The following ASPM variants were observed in gnomAD, a reference collection of about 807,000 sequenced individuals.
ASPM encodes abnormal spindle-like microcephaly-associated protein.
A neutral mutation model predicts 366.4 loss-of-function variants in ASPM; 256 were observed. That is an observed-to-expected ratio of 0.70 (90% CI 0.63 to 0.77). ASPM has a LOEUF of 0.77. Ranked by LOEUF, ASPM falls within the 30% of genes least tolerant of loss-of-function variation. The pLI, the probability that ASPM is intolerant of heterozygous loss-of-function variation, is 0.00. For missense variants in ASPM, 4,146 were observed against 4,090.4 expected, an observed-to-expected ratio of 1.01 and a Z score of -0.37; for synonymous variants, 1,414 against 1,342.9, an observed-to-expected ratio of 1.05 and a Z score of -1.16.
Position 197,104,307 on chromosome 1 carries a change from G to C in ASPM, c.4944C>G (p.Ala1648=). The part of the protein sequence containing the change: ...VLQSAYRGMQ[A]RKMYIHILTS... ...TGAGGATGTGAATATACATTTTCCT[G>C]GCTTGCATCCCTCTATATGCAGACT... The change falls in exon 18 of 28, where the codon GCC becomes GCG. Residue 1648 remains alanine, a synonymous_variant. Transcript: ENST00000367409. 6.2e-7 allele frequency: 1 copy of C among 1,613,012 alleles called. No homozygotes were observed. Among genetic ancestry groups the C allele is most frequent in the Non-Finnish European group, 8.5e-7 (1 of 1,179,434 alleles).
chr1:197,102,402 G>C lies in ASPM; in HGVS notation c.6849C>G (p.Leu2283=), dbSNP rs756622578. Residue 2283 remains leucine, a synonymous_variant, in exon 18 of 28, where the codon CTC becomes CTG. Transcript: ENST00000367409. Reference sequence around the variant, plus strand: ...TCAAAATAGCAGTTTTCTTGAGAGAGAGGAATCTTCTTCTCATCATTAGAG... The same window carrying C: ...TCAAAATAGCAGTTTTCTTGAGAGACAGGAATCTTCTTCTCATCATTAGAG... ...FRTLMMRRRF[L]SLKKTAILIQ... 7.4e-6 allele frequency: 12 copies of C among 1,612,762 alleles called. No individual in the cohort carries two copies. The South Asian group carries it at 1.2e-4, about 16-fold the overall frequency.
In ASPM at chr1:197,088,331, T is replaced by G. The variant is rs1295621901; in HGVS notation, c.10086A>C (p.Ala3362=). The change falls in exon 26 of 28, where the codon GCA becomes GCC. Residue 3362 remains alanine (A), a synonymous_variant. Transcript: ENST00000367409. The stretch of plus-strand genomic sequence containing the variant: ...TTGTAAAAATGCTTCCGCCTTTGTC[T>G]GCAACTTTATTACCAGGCTTTTCTC... ...IYREKPGNKV[A]DKGGSIFTKT... The G allele has an allele frequency of 2.5e-6, 4 of 1,613,536 alleles. No homozygotes were observed. In the African/African-American group the frequency reaches 4.0e-5, roughly 16 times the overall value.
Position 197,104,601 on chromosome 1 carries a change from TC to T in ASPM, c.4649del (p.Arg1550AsnfsTer2), listed in dbSNP as rs1291649960. Reference protein sequence around the residue: ...AAIQLQAAFRRLKAHNLCRQI... With the variant: ...AAIQLQAAFRXLKAHNLCRQI... ...GTCTACATAAATTATGAGCTTTCAGTCTCCTAAAAGCAGCTTGTAATTGAAT... is the reference window on the plus strand; with the variant it reads ...GTCTACATAAATTATGAGCTTTCAGTTCCTAAAAGCAGCTTGTAATTGAAT... On this transcript the variant is annotated frameshift_variant, in exon 18 of 28. Coordinates refer to ENST00000367409, the MANE Select transcript of ASPM (RefSeq NM_018136.5). LOFTEE classifies it high-confidence loss of function. 1 of 1,612,996 alleles carries T rather than the reference TC, an allele frequency of 6.2e-7. No homozygotes were observed.
At position 197,104,929 on chromosome 1, in the gene ASPM, G is replaced by A; in HGVS notation, c.4322C>T (p.Ser1441Leu). 5 of 1,612,022 alleles carry A rather than the reference G, an allele frequency of 3.1e-6. No individual in the cohort carries two copies. Among genetic ancestry groups the A allele is most frequent in the Non-Finnish European group, 4.2e-6 (5 of 1,179,082 alleles). ...FRKWKQRKMQ[S>L]QVKATVILQR... ...CAATATTACTGTAGCTTTTACTTGT[G>A]ATTGCATTTTACGTTGCTTCCATTT... Residue 1441 changes from serine (S) to leucine (L), a missense_variant, in exon 18 of 28, where the codon TCA becomes TTA. Transcript: ENST00000367409.
intron 4 of ASPM, among the ~76,000 whole-genome samples, chr1:197,136,590 T>C (rs185102170): frequency 6.6e-6 from 1 of 152,246 alleles, no homozygotes; most frequent in Admixed American, 6.5e-5. Context: ...TCTAGGATGT[T>C]ATATGTAATT....
chr1:197,113,040 TA>T (rs1046302266), intron 17 of ASPM, among the ~76,000 whole-genome samples: 2 of 152,058 alleles, frequency 1.3e-5, no homozygotes, highest in South Asian at 2.1e-4. Context: ...CATGCAGCCA[TA>T]AAAAAAATTA....
chr1:197,139,055 T>C, intron 4 of ASPM: 2 of 743,590 alleles, frequency 2.7e-6, no homozygotes, highest in South Asian at 2.9e-5. Flanking sequence ...ACTGGCTGGT[T>C]GTCTGGGCCC....
At chr1:197,130,085 A>G in intron 7 of ASPM, 29 bp from the exon 8 acceptor site, 1 of 1,607,266 alleles carries the variant, frequency 6.2e-7, no homozygotes, top group Non-Finnish European at 8.5e-7. Context: ...CAAAGTCAGA[A>G]TTATGCTATC....
chr1:197,121,182 G>A (rs569058978), intron 16 of ASPM, among the ~76,000 whole-genome samples: 28 of 152,000 alleles, frequency 1.8e-4, no homozygotes, highest in African/African-American at 6.8e-4. Flanking sequence ...GTTAGTAGAT[G>A]GAATAGGGTG....
rs1299220671 is a variant in ASPM at position 197,125,069 on chromosome 1, C to A, written c.3059G>T (p.Gly1020Val). ...ACCATGCTCATCACTTAATTCAATT[C>A]CTCGTGATTTAAGAACTTGAAGAAC... ...DIVLQVLKSR[G>V]IELSDEHGNT... The change falls in exon 11 of 28, where the codon GGA (glycine) becomes GTA (valine). Residue 1020 changes from glycine (G) to valine (V), a missense_variant. By Grantham distance (109) the Gly-to-Val change is moderately radical. Coordinates refer to ENST00000367409, the MANE Select transcript of ASPM (RefSeq NM_018136.5). The A allele has an allele frequency of 1.2e-6, 2 of 1,613,806 alleles. No homozygotes were observed. Among genetic ancestry groups the A allele is most frequent in the East Asian group, 4.5e-5 (2 of 44,868 alleles).
intron 17 of ASPM, among the ~76,000 whole-genome samples, chr1:197,111,700 G>GATAA (rs1379725262): frequency 6.6e-6 from 1 of 152,026 alleles, no homozygotes; most frequent in East Asian, 1.9e-4. Context: ...CAGTGGACTG[G>GATAA]ATAAAGAAAA....
In ASPM at chr1:197,102,943, A is replaced by G; in HGVS notation, c.6308T>C (p.Val2103Ala). ...TCTTCTAACTCTAATACCTCTATAA[A>G]CAGATTGGATTTTAATTGCTGTCTT... ...LKKTAIKIQS[V>A]YRGIRVRRHI... Residue 2103 changes from valine (V) to alanine (A), a missense_variant, in exon 18 of 28, where the codon GTT (valine) becomes GCT (alanine). By Grantham distance (64) the Val-to-Ala change is moderately conservative (BLOSUM62 0). Coordinates refer to ENST00000367409, the MANE Select transcript of ASPM (RefSeq NM_018136.5). 6.2e-7 allele frequency: 1 copy of G among 1,612,440 alleles called. No individual in the cohort carries two copies. The highest frequency in any genetic ancestry group is 8.5e-7 in the Non-Finnish European group (1 of 1,179,060).
Position 197,143,621 on chromosome 1 carries a change from A to T in ASPM, c.631T>A (p.Ser211Thr), listed in dbSNP as rs140732435. The part of the protein sequence containing the change: ...NEGGPPTENN[S>T]LILEENKIPI... The stretch of plus-strand genomic sequence containing the variant: ...ATTTTATTTTCTTCAAGTATTAAAG[A>T]ATTGTTTTCTGTTGGGGGACCGCCT... Residue 211 changes from serine to threonine, a missense_variant, in exon 3 of 28, where the codon TCT becomes ACT. Ser to Thr is a moderately conservative substitution (Grantham distance 58). This residue lies in a region of ASPM where 512 missense variants were observed against 471.7 expected (regional missense o/e 1.09). Coordinates refer to ENST00000367409, the MANE Select transcript of ASPM (RefSeq NM_018136.5). 6.2e-7 allele frequency: 1 copy of T among 1,613,106 alleles called. No individual in the cohort carries two copies. The highest frequency in any genetic ancestry group is 8.5e-7 in the Non-Finnish European group (1 of 1,179,912).
At chr1:197,105,318 G>A in intron 17 of ASPM, 133 bp from the exon 18 acceptor site, 2 of 758,948 alleles carry the variant, frequency 2.6e-6, no homozygotes, top group Non-Finnish European at 4.2e-6. Context: ...TTATTTTTGT[G>A]AGATATTTGT....
At chr1:197,117,076 T>A (rs562423291) in intron 17 of ASPM, among the ~76,000 whole-genome samples, 4 of 152,186 alleles carry the variant, frequency 2.6e-5, no homozygotes, top group African/African-American at 9.6e-5. Flanking sequence ...ATATTTTACA[T>A]GTTAAAAAAA....
chr1:197,133,599 G>A lies in ASPM; in HGVS notation c.2174-4C>T, dbSNP rs777766951. On this transcript the variant is annotated splice_polypyrimidine_tract_variant and splice_region_variant and intron_variant, in intron 5 of 27. Transcript: ENST00000367409. The stretch of plus-strand genomic sequence containing the variant: ...AAAAGAAGAGTAGCAGCATTTACTG[G>A]GTAAAAACAAAAGAAAGAATGTTTC... The A allele has an allele frequency of 8.7e-6, 14 of 1,611,630 alleles. No homozygotes were observed. The South Asian group carries it at 1.5e-4, about 18-fold the overall frequency.
chr1:197,134,182 G>A (rs981342649), intron 5 of ASPM, among the ~76,000 whole-genome samples: 1 of 151,394 alleles, frequency 6.6e-6, no homozygotes, highest in Non-Finnish European at 1.5e-5. Flanking sequence ...TGAATTCCTC[G>A]AGCCTAGGAG....
intron 7 of ASPM, among the ~76,000 whole-genome samples, chr1:197,131,587 C>G (rs1316153961): frequency 1.4e-5 from 2 of 145,886 alleles, no homozygotes; most frequent in Non-Finnish European, 3.0e-5. Flanking sequence ...GAGTCTCGCT[C>G]TGTCACCCAG....
chr1:197,142,046 A>G (rs551794679), intron 3 of ASPM, among the ~76,000 whole-genome samples: 33 of 152,278 alleles, frequency 2.2e-4, no homozygotes, highest in African/African-American at 7.9e-4. Flanking sequence ...CCATTCATTC[A>G]ATTCATCTTT....
Sources: allele counts gnomAD v4.1 joint callset (sites outside exome capture counted in the v4.1 genomes callset), GRCh38; gene constraint gnomAD v4.1.1; regional missense constraint gnomAD v4.1.1; transcripts MANE v1.5; gene names NCBI Gene and HGNC (gene_info 2026-07-23, HGNC 2026-07-21).